Variants in SDK1 observed in about 807,000 individuals in gnomAD.
SDK1 encodes sidekick cell adhesion molecule 1.
In SDK1, 157 loss-of-function variants were observed where a neutral mutation model predicts 245.5. The observed-to-expected ratio is 0.64, with a 90% CI of 0.56 to 0.73. The LOEUF (loss-of-function observed/expected upper bound fraction) is 0.73. SDK1 is among the 30% of genes least tolerant of loss of function. The pLI, the probability that SDK1 is intolerant of heterozygous loss-of-function variation, is 0.00. For synonymous variants in SDK1, 1,647 were observed against 1,278.5 expected, an observed-to-expected ratio of 1.29 and a Z score of -6.15; for missense variants, 3,583 against 3,002.3, an observed-to-expected ratio of 1.19 and a Z score of -4.52.
chr7:3,903,180 G>T lies in SDK1; in HGVS notation c.848-47743G>T, dbSNP rs138235303. Among the ~76,000 whole-genome samples the T allele has an allele frequency of 2.7e-5, 4 of 147,498 alleles. No individual in the cohort carries two copies. The East Asian group carries it at 8.1e-4, about 30-fold the overall frequency. On this transcript the variant is annotated intron_variant, in intron 5 of 44. Transcript: ENST00000404826. ...TTTTTTTTGAGACAGACGAGACTCC[G>T]TCGCTCAGGCTAGAGTGCAGTGGTG...
chr7:4,130,178 C>G (rs1045182246), intron 27 of SDK1, 81 bp downstream of exon 27: 1 of 1,382,500 alleles, frequency 7.2e-7, no homozygotes, highest in Non-Finnish European at 9.8e-7. Flanking sequence ...GGATTGTTGT[C>G]GCTTTTAACT....
intron 2 of SDK1, among the ~76,000 whole-genome samples, chr7:3,635,755 G>A (rs968146581): frequency 3.3e-5 from 5 of 151,998 alleles, no homozygotes; most frequent in Admixed American, 6.6e-5. Flanking sequence ...CACCCAGGCT[G>A]GAGTGCAGTG....
rs144177610 is a variant in SDK1, at chr7:3,919,976, C to A, written c.848-30947C>A. On this transcript the variant is annotated intron_variant, in intron 5 of 44. Coordinates refer to ENST00000404826, the MANE Select transcript of SDK1 (RefSeq NM_152744.4). ...GTCACAGCAGAGGGGGCACCACCAG[C>A]TCTGGGAAGGCTTTAGGGAGTGGAT... 3.3e-5 allele frequency among the ~76,000 whole-genome samples: 5 copies of A among 152,222 alleles called. No individual in the cohort carries two copies. In the East Asian group the frequency reaches 7.7e-4, roughly 24 times the overall value.
intron 17 of SDK1, among the ~76,000 whole-genome samples, chr7:4,022,495 A>T (rs990680844): frequency 6.6e-6 from 1 of 152,166 alleles, no homozygotes; most frequent in Non-Finnish European, 1.5e-5. Context: ...TGCCGTCTCA[A>T]AGAGAACTCA....
chr7:3,979,771 A>G (rs978034765), intron 13 of SDK1, among the ~76,000 whole-genome samples: 1 of 152,194 alleles, frequency 6.6e-6, no homozygotes, highest in Admixed American at 6.5e-5. Context: ...GGATGACTTC[A>G]TATTCCCCAA....
intron 1 of SDK1, among the ~76,000 whole-genome samples, chr7:3,443,281 A>C (rs1393647045): frequency 6.6e-6 from 1 of 152,206 alleles, no homozygotes; most frequent in Non-Finnish European, 1.5e-5. Context: ...ATGAGAGCTA[A>C]CACTACTTAT....
chr7:3,541,992 C>A (rs751210975), intron 1 of SDK1, among the ~76,000 whole-genome samples: 3 of 152,196 alleles, frequency 2.0e-5, no homozygotes, highest in Non-Finnish European at 4.4e-5. Context: ...CAACATGGCA[C>A]ATGTATACAT....
intron 5 of SDK1, among the ~76,000 whole-genome samples, chr7:3,864,305 T>A (rs1780768579): frequency 6.6e-6 from 1 of 152,172 alleles, no homozygotes; most frequent in Non-Finnish European, 1.5e-5. Flanking sequence ...CTCTTTGTTT[T>A]TATAGTCAAT....
intron 1 of SDK1, among the ~76,000 whole-genome samples, chr7:3,478,347 G>A (rs929446674): frequency 2.0e-5 from 3 of 151,926 alleles, no homozygotes; most frequent in Non-Finnish European, 2.9e-5. Flanking sequence ...CCCTTTTAAT[G>A]TATTTTAGGC....
At chr7:4,091,334 C>CTTTTTTTTTTT (rs61065472) in intron 22 of SDK1, among the ~76,000 whole-genome samples, 251 of 108,206 alleles carry the variant, frequency 2.3e-3, no homozygotes, top group African/African-American at 2.8e-3. Context: ...CTTTTCTTTT[C>CTTTTTTTTTTT]TTTTTTTTTT....
At chr7:3,429,788 C>G (rs542064374) in intron 1 of SDK1, among the ~76,000 whole-genome samples, 57 of 150,814 alleles carry the variant, frequency 3.8e-4, no homozygotes, top group Non-Finnish European at 6.1e-4. Flanking sequence ...AGACAGGTCT[C>G]ACTATGTTGC....
intron 19 of SDK1, among the ~76,000 whole-genome samples, chr7:4,067,562 G>C (rs1779984568): frequency 6.6e-6 from 1 of 152,208 alleles, no homozygotes; most frequent in South Asian, 2.1e-4. Flanking sequence ...ATTAGATCAA[G>C]GAGAAAGACA....
At chr7:3,638,337 A>G (rs892745604) in intron 2 of SDK1, among the ~76,000 whole-genome samples, 4 of 152,188 alleles carry the variant, frequency 2.6e-5, no homozygotes, top group Admixed American at 6.5e-5. Flanking sequence ...GTGCACACGT[A>G]TGTTTATTGT....
intron 1 of SDK1, among the ~76,000 whole-genome samples, chr7:3,333,892 C>T (rs1042101399): frequency 6.6e-6 from 1 of 152,196 alleles, no homozygotes; most frequent in African/African-American, 2.4e-5. Flanking sequence ...ACTGGACTGC[C>T]AGGGTGGCCA....
At chr7:3,495,490 C>T (rs1781996300) in intron 1 of SDK1, among the ~76,000 whole-genome samples, 1 of 152,116 alleles carries the variant, frequency 6.6e-6, no homozygotes. Flanking sequence ...AACACCCAGC[C>T]TCAAGAGATC....
rs1250592869 is a variant in SDK1, at chr7:3,834,514, G to A, written c.847+12931G>A. Reference sequence around the variant, plus strand: ...GAACTCTGAAAATCTTTTCTTTCACGTATGGAGGGATGCACCAGCAGTGAG... The same window carrying A: ...GAACTCTGAAAATCTTTTCTTTCACATATGGAGGGATGCACCAGCAGTGAG... On this transcript the variant is annotated intron_variant, in intron 5 of 44. Coordinates refer to ENST00000404826, the MANE Select transcript of SDK1 (RefSeq NM_152744.4). Among the ~76,000 whole-genome samples the A allele has an allele frequency of 2.6e-5, 4 of 152,302 alleles. No homozygotes were observed. In the South Asian group the frequency reaches 6.2e-4, roughly 24 times the overall value.
chr7:3,913,694 C>T (rs980559407), intron 5 of SDK1, among the ~76,000 whole-genome samples: 6 of 152,086 alleles, frequency 3.9e-5, no homozygotes, highest in Non-Finnish European at 7.4e-5. Flanking sequence ...TCTCCTAAAC[C>T]CCCTTGAGTA....
At chr7:3,981,357 A>G (rs761099475) in intron 13 of SDK1, among the ~76,000 whole-genome samples, 2 of 152,166 alleles carry the variant, frequency 1.3e-5, no homozygotes, top group South Asian at 4.1e-4. Flanking sequence ...GGGCCCCTGT[A>G]TTCCTTGAGC....
intron 4 of SDK1, among the ~76,000 whole-genome samples, chr7:3,691,683 A>G (rs1424822501): frequency 3.9e-5 from 6 of 152,198 alleles, no homozygotes; most frequent in Admixed American, 1.3e-4. Context: ...CACAGCACCA[A>G]CACAAACACA....
Sources: allele counts gnomAD v4.1 joint callset (sites outside exome capture counted in the v4.1 genomes callset), GRCh38; gene constraint gnomAD v4.1.1; transcripts MANE v1.5; gene names NCBI Gene and HGNC (gene_info 2026-07-23, HGNC 2026-07-21).